MYO1H: variants seen among roughly 807,000 people sequenced by gnomAD.
MYO1H encodes the protein unconventional myosin-Ih.
A neutral mutation model predicts 149.3 loss-of-function variants in MYO1H; 118 were observed. That is an observed-to-expected ratio of 0.79 (90% CI 0.68 to 0.92). The LOEUF (loss-of-function observed/expected upper bound fraction) is 0.92, where lower values mean the gene tolerates loss of function less well. Ranked by LOEUF, MYO1H falls within the 40% of genes least tolerant of loss-of-function variation. MYO1H has a pLI of 0.00. For synonymous variants in MYO1H, 447 were observed against 465.2 expected (o/e 0.96, Z 0.50); for missense variants, 1,212 against 1,280.7 (o/e 0.95, Z 0.82).
In MYO1H at chr12:109,443,565, C is replaced by T. The variant is rs758161211; in HGVS notation, c.2740C>T (p.Arg914Trp). The change falls in exon 28 of 32, where the codon CGG (arginine) becomes TGG (tryptophan). Residue 914 changes from arginine (R) to tryptophan (W), a missense_variant. Arg to Trp is a moderately radical substitution (Grantham distance 101, BLOSUM62 -3). Coordinates refer to ENST00000310903, the Ensembl canonical transcript of MYO1H. ...CAGAAAAGGCTTCAAAGCACGGCAG[C>T]GGCAACTCATTCTTACTCAGAAAGC... The T allele has an allele frequency of 1.2e-5, 19 of 1,613,634 alleles. No individual in the cohort carries two copies. In the Admixed American group the frequency reaches 1.3e-4, roughly 11 times the overall value.
At chr12:109,322,301 C>G in the MYO1H span, among the ~76,000 whole-genome samples, 5 of 152,284 alleles carry the variant, frequency 3.3e-5, no homozygotes, top group South Asian at 1.0e-3. Context: ...TTTACATTTC[C>G]AGCCTTTCAG....
Position 109,398,188 on chromosome 12 carries a change from G to A in MYO1H, c.570+376G>A, listed in dbSNP as rs562287313. Among the ~76,000 whole-genome samples the A allele has an allele frequency of 5.3e-5, 8 of 152,294 alleles. No individual in the cohort carries two copies. The South Asian group carries it at 1.4e-3, about 28-fold the overall frequency. On this transcript the variant is annotated intron_variant, in intron 5 of 31. Transcript: ENST00000310903. ...ACATAATGTAAGGTGCAACCATTCC[G>A]CTCCCAGAGATATCGCTACAGATGC...
At position 109,438,474 on chromosome 12, in the gene MYO1H, A is replaced by G. The variant is rs1024147295; in HGVS notation, c.2210-62A>G. On this transcript the variant is annotated intron_variant, in intron 22 of 31. Transcript: ENST00000310903. ...GTTGAATGGACAAAGCCTTCTGGAAAAGCCTTCTGTATTTCCATACGATTG... is the reference window on the plus strand; with the variant it reads ...GTTGAATGGACAAAGCCTTCTGGAAGAGCCTTCTGTATTTCCATACGATTG... 5.3e-6 allele frequency: 7 copies of G among 1,332,160 alleles called. No individual in the cohort carries two copies. The African/African-American group carries it at 8.6e-5, about 16-fold the overall frequency. The allele number at this position is 1,332,160 out of a possible 1,614,324, so 82.5% of individuals were successfully genotyped here.
At chr12:109,429,272 A>T (rs2135585442) in intron 19 of MYO1H, among the ~76,000 whole-genome samples, 1 of 152,306 alleles carries the variant, frequency 6.6e-6, no homozygotes, top group East Asian at 1.9e-4. Flanking sequence ...GGGTGATGTC[A>T]GAGAACAGAA....
intron 1 of MYO1H, among the ~76,000 whole-genome samples, chr12:109,349,703 G>T (rs971258725): frequency 8.7e-5 from 13 of 149,696 alleles, no homozygotes; most frequent in Admixed American, 8.0e-4. Flanking sequence ...GCTCATGCCT[G>T]TAATCCCAGC....
At chr12:109,416,384 T>TC (rs1416931993) in intron 15 of MYO1H, among the ~76,000 whole-genome samples, 1 of 151,866 alleles carries the variant, frequency 6.6e-6, no homozygotes, top group Non-Finnish European at 1.5e-5. Context: ...TGTTGGTTTT[T>TC]TTTTTTTTGA....
At chr12:109,376,790 C>G (rs535563329) in intron 1 of MYO1H, among the ~76,000 whole-genome samples, 1 of 152,146 alleles carries the variant, frequency 6.6e-6, no homozygotes, top group East Asian at 1.9e-4. Context: ...TGGTCCTTTG[C>G]AATTTCACAA....
chr12:109,432,298 C>A (rs1871663788), intron 19 of MYO1H, among the ~76,000 whole-genome samples: 1 of 152,056 alleles, frequency 6.6e-6, no homozygotes, highest in African/African-American at 2.4e-5. Context: ...GCCCCTGCGC[C>A]TGGCCTTTTT....
chr12:109,409,219 CTTCT>C (rs1870536968), intron 10 of MYO1H, among the ~76,000 whole-genome samples: 1 of 110,364 alleles, frequency 9.1e-6, no homozygotes, highest in African/African-American at 3.1e-5. Flanking sequence ...TCTTCTCCTT[CTTCT>C]TTTTCTTCTT....
At chr12:109,427,337 ATTAAGACCTCACG>A in intron 18 of MYO1H, 119 bp from the exon 19 acceptor site, 1 of 508,552 alleles carries the variant, frequency 2.0e-6, no homozygotes. Context: ...AAAAAAAAAA[ATTAAGACCTCACG>A]AAATGAGTCT....
At chr12:109,441,425 C>CA (rs149121048) in intron 25 of MYO1H, among the ~76,000 whole-genome samples, 190 bp from the exon 26 acceptor site, 1,779 of 152,310 alleles carry the variant, frequency 0.012, 47 homozygotes, top group African/African-American at 0.041. Flanking sequence ...AACGTCAACC[C>CA]AGTCTCTACC....
chr12:109,349,698 T>C (rs1388213390), intron 1 of MYO1H, among the ~76,000 whole-genome samples: 3 of 149,432 alleles, frequency 2.0e-5, no homozygotes, highest in East Asian at 2.0e-4. Flanking sequence ...CGGTGGCTCA[T>C]GCCTGTAATC....
intron 19 of MYO1H, among the ~76,000 whole-genome samples, chr12:109,427,909 AATATATATAT>A (rs1555254297): frequency 0.013 from 215 of 16,410 alleles, 9 homozygotes; most frequent in Middle Eastern, 0.062. Context: ...AAAAAAAAAA[AATATATATAT>A]ATATATATAT....
intron 18 of MYO1H, among the ~76,000 whole-genome samples, chr12:109,426,339 C>CCAGG (rs1414450328): frequency 6.6e-6 from 1 of 152,070 alleles, no homozygotes. Context: ...CGAAAATTAG[C>CCAGG]CAGGCATGGT....
chr12:109,347,295 C>A (rs1210575105), upstream of MYO1H, among the ~76,000 whole-genome samples: 1 of 152,212 alleles, frequency 6.6e-6, no homozygotes, highest in Non-Finnish European at 1.5e-5. Flanking sequence ...AAGGGGTGAA[C>A]TCTGAGCTTC....
In MYO1H at chr12:109,411,976, A is replaced by G; in HGVS notation, c.1493A>G (p.His498Arg). Residue 498 changes from histidine to arginine, a missense_variant, in exon 14 of 32, where the codon CAC (histidine) becomes CGC (arginine). By Grantham distance (29) the His-to-Arg change is conservative. Coordinates refer to ENST00000310903, the Ensembl canonical transcript of MYO1H. ...GAAGAGAAAGTGGGCAAACATGCAC[A>G]CTTCGAAACGTACATACTTTATTTT... 2 of 1,592,226 alleles carry G rather than the reference A, an allele frequency of 1.3e-6. No individual in the cohort carries two copies. The highest frequency in any genetic ancestry group is 1.7e-6 in the Non-Finnish European group (2 of 1,168,862).
chr12:109,314,769 C>T, the MYO1H span, among the ~76,000 whole-genome samples: 111 of 152,210 alleles, frequency 7.3e-4, no homozygotes, highest in Non-Finnish European at 3.4e-4. Flanking sequence ...TTTCTAAAGG[C>T]GCTTCTCCTT....
At chr12:109,420,929 T>C (rs1050278694) in intron 15 of MYO1H, 52 bp from the exon 16 acceptor site, 2 of 940,532 alleles carry the variant, frequency 2.1e-6, no homozygotes, top group Non-Finnish European at 1.7e-6. Context: ...GATGGAATTG[T>C]ATTTTTAGGC....
intron 31 of MYO1H, among the ~76,000 whole-genome samples, chr12:109,446,885 C>T (rs1345768130): frequency 6.6e-6 from 1 of 152,200 alleles, no homozygotes; most frequent in Non-Finnish European, 1.5e-5. Context: ...TTTTAGTTTA[C>T]ACACTGTCTT....
Sources: allele counts gnomAD v4.1 joint callset (sites outside exome capture counted in the v4.1 genomes callset), GRCh38; gene constraint gnomAD v4.1.1; transcripts MANE v1.5; gene names NCBI Gene and HGNC (gene_info 2026-07-23, HGNC 2026-07-21).